CEP112: variants seen among roughly 807,000 people sequenced by gnomAD.
CEP112 encodes the protein centrosomal protein 112, also known as centrosomal protein of 112 kDa.
A neutral mutation model predicts 153.0 loss-of-function variants in CEP112; 127 were observed. That is an observed-to-expected ratio of 0.83 (90% CI 0.72 to 0.96). The LOEUF (loss-of-function observed/expected upper bound fraction) is 0.96, where lower values mean the gene tolerates loss of function less well. Among genes scored for constraint, CEP112 ranks in the 40% least tolerant of loss-of-function variants. CEP112 has a pLI of 0.00. For synonymous variants in CEP112, 358 were observed against 374.4 expected, an observed-to-expected ratio of 0.96 and a Z score of 0.51; for missense variants, 1,089 against 1,101.2, an observed-to-expected ratio of 0.99 and a Z score of 0.16.
intron 21 of CEP112, among the ~76,000 whole-genome samples, chr17:65,789,321 C>A (rs1422959187): frequency 6.6e-6 from 1 of 152,080 alleles, no homozygotes; most frequent in Non-Finnish European, 1.5e-5. Flanking sequence ...AACTTATTGT[C>A]CTATTCACTC....
At chr17:65,710,813 C>T (rs1247347532) in intron 23 of CEP112, among the ~76,000 whole-genome samples, 3 of 152,184 alleles carry the variant, frequency 2.0e-5, no homozygotes, top group Non-Finnish European at 2.9e-5. Flanking sequence ...ACTCTGCGTC[C>T]CCGCTCTTTT....
At chr17:65,660,911 G>T (rs1598234800) in intron 24 of CEP112, among the ~76,000 whole-genome samples, 1 of 152,078 alleles carries the variant, frequency 6.6e-6, no homozygotes, top group Non-Finnish European at 1.5e-5. Context: ...TTCTCCAGCT[G>T]ATTCTCCACA....
intron 6 of CEP112, among the ~76,000 whole-genome samples, chr17:66,122,331 G>C (rs1302733921): frequency 6.6e-6 from 1 of 152,024 alleles, no homozygotes; most frequent in Admixed American, 6.5e-5. Flanking sequence ...CTCTGTATAA[G>C]GGCCATACTT....
intron 21 of CEP112, among the ~76,000 whole-genome samples, chr17:65,772,590 ACACACACAC>A (rs1173256102): frequency 2.1e-5 from 2 of 95,336 alleles, no homozygotes; most frequent in Non-Finnish European, 3.9e-5. Flanking sequence ...ACACACACAC[ACACACACAC>A]ACACACACAC....
At chr17:65,863,749 C>CA (rs397949072) in intron 20 of CEP112, among the ~76,000 whole-genome samples, 106,296 of 125,454 alleles carry the variant, frequency 0.85, 44,963 homozygotes, top group East Asian at 0.93. Flanking sequence ...GACTCTGTCT[C>CA]AAAAAAAAAA....
chr17:65,750,867 G>A (rs1168300782), intron 21 of CEP112, 143 bp from the exon 22 acceptor site: 3 of 581,898 alleles, frequency 5.2e-6, no homozygotes, highest in South Asian at 2.3e-5. Context: ...GCTTGTCTTT[G>A]ATGTTACGCC....
chr17:66,058,741 A>G (rs1172631210), intron 11 of CEP112, among the ~76,000 whole-genome samples: 1 of 151,966 alleles, frequency 6.6e-6, no homozygotes, highest in Admixed American at 6.6e-5. Flanking sequence ...AGTCCCAGCT[A>G]CTCAGGAGAC....
chr17:65,773,620 C>T (rs1210779317), intron 21 of CEP112, among the ~76,000 whole-genome samples: 1 of 152,030 alleles, frequency 6.6e-6, no homozygotes, highest in Non-Finnish European at 1.5e-5. Flanking sequence ...GAAAGAAATA[C>T]ATATGGTGAC....
At chr17:66,009,295 CTGA>C (rs2064412565) in intron 16 of CEP112, among the ~76,000 whole-genome samples, 2 of 151,690 alleles carry the variant, frequency 1.3e-5, no homozygotes, top group Admixed American at 1.3e-4. Flanking sequence ...TTGCCTTTCC[CTGA>C]TGATTAGTGA....
intron 17 of CEP112, among the ~76,000 whole-genome samples, chr17:65,996,129 C>CGTGTGTGTGTGT (rs3055983): frequency 9.6e-5 from 14 of 145,798 alleles, no homozygotes; most frequent in Admixed American, 4.1e-4. Flanking sequence ...GAAAAATATA[C>CGTGTGTGTGTGT]GTGTGTGTGT....
chr17:65,699,775 G>A (rs942059242), intron 23 of CEP112, among the ~76,000 whole-genome samples: 15 of 152,078 alleles, frequency 9.9e-5, no homozygotes, highest in African/African-American at 3.1e-4. Context: ...CTACAGAGGC[G>A]CACCACTGCA....
rs1015779195 is a variant in CEP112 at position 66,183,749 on chromosome 17, A to G, written c.-8-442T>C. On this transcript the variant is annotated intron_variant, in intron 1 of 26. Transcript: ENST00000535342. ...GACAGTTATTACAACAAATGATGTC[A>G]TAACAATTGGATATCCATATACAAA... Among the ~76,000 whole-genome samples the G allele has an allele frequency of 2.0e-5, 3 of 152,294 alleles. No individual in the cohort carries two copies. The South Asian group carries it at 6.2e-4, about 32-fold the overall frequency.
chr17:66,054,394 C>A (rs2066587580), intron 11 of CEP112, among the ~76,000 whole-genome samples: 1 of 152,166 alleles, frequency 6.6e-6, no homozygotes, highest in African/African-American at 2.4e-5. Flanking sequence ...ACAAAAAGAT[C>A]ACATTTATCA....
In CEP112 at chr17:66,120,390, G is replaced by A. The variant is rs545105827; in HGVS notation, c.642+9356C>T. On this transcript the variant is annotated intron_variant, in intron 6 of 26. Transcript: ENST00000535342. ...TAATTTTTGTATTTTTAGTAGAGAC[G>A]AGGTTTTACCATGTTGGCCAGGCTG... 1.4e-4 allele frequency among the ~76,000 whole-genome samples: 21 copies of A among 152,204 alleles called. 1 individual carries two copies. Among genetic ancestry groups the A allele is most frequent in the Admixed American group, 6.5e-4 (10 of 15,278 alleles).
intron 6 of CEP112, among the ~76,000 whole-genome samples, chr17:66,101,292 T>A (rs1268100960): frequency 6.6e-6 from 1 of 152,030 alleles, no homozygotes; most frequent in Non-Finnish European, 1.5e-5. Flanking sequence ...AAATCAAATA[T>A]TTTACATACA....
At chr17:66,025,293 A>T (rs1472915393) in intron 16 of CEP112, among the ~76,000 whole-genome samples, 3 of 152,126 alleles carry the variant, frequency 2.0e-5, no homozygotes, top group Admixed American at 6.5e-5. Context: ...ATTTAATTTT[A>T]AAAAAGCTTC....
intron 16 of CEP112, among the ~76,000 whole-genome samples, chr17:66,008,662 C>G (rs940064338): frequency 6.6e-6 from 1 of 152,090 alleles, no homozygotes; most frequent in Non-Finnish European, 1.5e-5. Context: ...AACTTTGTAC[C>G]CTTTAACCAG....
intron 20 of CEP112, among the ~76,000 whole-genome samples, chr17:65,875,836 A>C (rs912423710): frequency 6.6e-6 from 1 of 152,146 alleles, no homozygotes; most frequent in Non-Finnish European, 1.5e-5. Flanking sequence ...GTCTGTAACC[A>C]TGAGTATATT....
chr17:65,650,486 G>C (rs944295472), intron 24 of CEP112, among the ~76,000 whole-genome samples: 1 of 152,034 alleles, frequency 6.6e-6, no homozygotes, highest in Non-Finnish European at 1.5e-5. Context: ...TCCCTAACAC[G>C]TTTCCTCCCA....
Sources: allele counts gnomAD v4.1 joint callset (sites outside exome capture counted in the v4.1 genomes callset), GRCh38; gene constraint gnomAD v4.1.1; transcripts MANE v1.5; gene names NCBI Gene and HGNC (gene_info 2026-07-23, HGNC 2026-07-21).